The following SHC4 variants were observed in gnomAD, a reference collection of about 807,000 sequenced individuals.
SHC4 encodes SHC-transforming protein 4.
SHC4 carries 41 observed loss-of-function variants against 69.4 expected under a neutral mutation model. The observed-to-expected ratio is 0.59, with a 90% CI of 0.46 to 0.77. SHC4 has a LOEUF of 0.77. Among genes scored for constraint, SHC4 ranks in the 30% least tolerant of loss-of-function variants. SHC4 has a pLI of 0.00. For synonymous variants in SHC4, 318 were observed against 299.3 expected (o/e 1.06, Z -0.64); for missense variants, 777 against 783.8 (o/e 0.99, Z 0.10).
At chr15:48,927,676 A>G (rs1414880777) in intron 1 of SHC4, among the ~76,000 whole-genome samples, 2 of 151,974 alleles carry the variant, frequency 1.3e-5, no homozygotes, top group Non-Finnish European at 2.9e-5. Context: ...TTGCTGCCAC[A>G]TTGGCCTCCT....
intron 4 of SHC4, chr15:48,876,659 C>T (rs1382803248): frequency 7.6e-6 from 5 of 655,400 alleles, no homozygotes; most frequent in East Asian, 2.8e-5. Context: ...CAGGAAGCAT[C>T]CAACACAGGA....
intron 4 of SHC4, chr15:48,877,633 A>G (rs546139501): frequency 5.6e-5 from 49 of 878,702 alleles, no homozygotes; most frequent in East Asian, 4.8e-4. Flanking sequence ...TTTCTTCACT[A>G]TAACTAAAAA....
chr15:48,960,897 A>G (rs1595771474), intron 1 of SHC4, among the ~76,000 whole-genome samples: 2 of 152,246 alleles, frequency 1.3e-5, no homozygotes, highest in East Asian at 1.9e-4. Context: ...CACCCTTTAC[A>G]ACCCTCCATC....
chr15:48,849,781 C>A (rs1899172160), intron 9 of SHC4, among the ~76,000 whole-genome samples: 1 of 152,156 alleles, frequency 6.6e-6, no homozygotes, highest in African/African-American at 2.4e-5. Flanking sequence ...TTAAGAGATT[C>A]ATACTTGCCA....
chr15:48,862,195 G>GT (rs1331485481), intron 6 of SHC4, among the ~76,000 whole-genome samples: 74 of 147,892 alleles, frequency 5.0e-4, no homozygotes, highest in Admixed American at 3.4e-3. Flanking sequence ...CTGGTTTTGG[G>GT]GTTTTTTTTT....
At chr15:48,895,001 C>A (rs145086832) in intron 2 of SHC4, among the ~76,000 whole-genome samples, 1 of 151,974 alleles carries the variant, frequency 6.6e-6, no homozygotes, top group Non-Finnish European at 1.5e-5. Flanking sequence ...GACAGGGTCT[C>A]CCTATGTTGC....
chr15:48,878,461 C>T (rs1899870377), intron 4 of SHC4: 1 of 1,613,320 alleles, frequency 6.2e-7, no homozygotes, highest in Admixed American at 1.7e-5. Flanking sequence ...ACTTCGAGAG[C>T]GAGGACGAGG....
chr15:48,921,403 C>T (rs1223785636), intron 2 of SHC4, among the ~76,000 whole-genome samples: 2 of 150,436 alleles, frequency 1.3e-5, no homozygotes, highest in African/African-American at 4.9e-5. Context: ...GGTGCAATCT[C>T]GGCTCACTGC....
Position 48,826,117 on chromosome 15 carries a change from T to C in SHC4, c.1747A>G (p.Lys583Glu), listed in dbSNP as rs1427346580. 1.9e-6 allele frequency: 3 copies of C among 1,610,702 alleles called. No homozygotes were observed. The Admixed American group carries it at 5.1e-5, about 27-fold the overall frequency. ...LVDPEGKVRT[K>E]DHVFDNVGHL... ...CCGACATTATCAAATACATGATCCT[T>C]GGTCCTCACCTTGAAAAAGAAGTAC... The change falls in exon 12 of 12, where the codon AAG (lysine) becomes GAG (glutamate). Residue 583 changes from lysine to glutamate, a missense_variant. By Grantham distance (56) the Lys-to-Glu change is moderately conservative. Transcript: ENST00000332408.
Position 48,962,439 on chromosome 15 carries a change from A to C in SHC4, c.577T>G (p.Cys193Gly). 6.6e-7 allele frequency: 1 copy of C among 1,518,856 alleles called. No individual in the cohort carries two copies. The highest frequency in any genetic ancestry group is 8.8e-7 in the Non-Finnish European group (1 of 1,134,672). 94.1% of individuals were successfully genotyped at this position (1,518,856 alleles called of 1,614,324 possible). A position where few individuals can be genotyped will look rare whatever the true frequency, so the allele number is the denominator to read the frequency against. Residue 193 changes from cysteine (C) to glycine (G), a missense_variant, in exon 1 of 12, where the codon TGT becomes GGT. Physicochemically the swap from Cys to Gly is radical, Grantham distance 159. Transcript: ENST00000332408. ...QHLLGMGMNY[C>G]VRYMGCVEVL... ...GAGGAAAATGGACTTACCCTCACAC[A>C]GTAGTTCATGCCCATCCCCAACAGG...
At chr15:48,958,293 A>G (rs1457258804) in intron 1 of SHC4, among the ~76,000 whole-genome samples, 1 of 152,194 alleles carries the variant, frequency 6.6e-6, no homozygotes, top group African/African-American at 2.4e-5. Context: ...CCCATACTTC[A>G]GAGGCTGCCT....
chr15:48,826,684 A>T (rs776929672), intron 11 of SHC4, among the ~76,000 whole-genome samples: 2 of 152,158 alleles, frequency 1.3e-5, no homozygotes, highest in South Asian at 4.1e-4. Context: ...ATTCTATGTC[A>T]CTATCTCTAT....
At chr15:48,944,251 T>C (rs961782070) in intron 1 of SHC4, among the ~76,000 whole-genome samples, 2 of 151,944 alleles carry the variant, frequency 1.3e-5, no homozygotes, top group African/African-American at 4.8e-5. Flanking sequence ...AGACTCTGGG[T>C]GCCCTACCTA....
intron 1 of SHC4, chr15:48,947,711 G>A (rs772266069): frequency 1.3e-5 from 2 of 152,058 alleles, no homozygotes. Flanking sequence ...GATAGTTAAC[G>A]TCATCACACC....
intron 1 of SHC4, among the ~76,000 whole-genome samples, chr15:48,957,418 T>C (rs887006493): frequency 1.3e-5 from 2 of 152,208 alleles, no homozygotes; most frequent in Non-Finnish European, 2.9e-5. Flanking sequence ...GAAAAGCTAC[T>C]TGAGGTAGAT....
chr15:48,862,285 T>C (rs1899462272), intron 6 of SHC4, among the ~76,000 whole-genome samples: 1 of 152,004 alleles, frequency 6.6e-6, no homozygotes. Flanking sequence ...ATTCACAGAC[T>C]AGATTCAGGG....
In SHC4 at chr15:48,962,755, G is replaced by A; in HGVS notation, c.261C>T (p.Ile87=). Reference sequence around the variant, plus strand: ...CCAGCTTCATGCTTGCCATGCGGGGGATCAAGGTGCACAGTGGGGTGGGGC... The same window carrying A: ...CCAGCTTCATGCTTGCCATGCGGGGAATCAAGGTGCACAGTGGGGTGGGGC... ...QESPTPLCTL[I]PRMASMKLAN... The change falls in exon 1 of 12, where the codon ATC becomes ATT. Residue 87 remains isoleucine, a synonymous_variant. Coordinates refer to ENST00000332408, the MANE Select transcript of SHC4 (RefSeq NM_203349.4). 2 of 1,613,176 alleles carry A rather than the reference G, an allele frequency of 1.2e-6. No homozygotes were observed. The highest frequency in any genetic ancestry group is 1.7e-6 in the Non-Finnish European group (2 of 1,180,002).
At chr15:48,837,627 G>A (rs1898922778) in intron 10 of SHC4, among the ~76,000 whole-genome samples, 1 of 152,020 alleles carries the variant, frequency 6.6e-6, no homozygotes, top group Non-Finnish European at 1.5e-5. Flanking sequence ...AAGAAGTAGT[G>A]GAGGTTAAGG....
At chr15:48,936,361 A>G (rs754251941) in intron 1 of SHC4, among the ~76,000 whole-genome samples, 1 of 152,150 alleles carries the variant, frequency 6.6e-6, no homozygotes, top group Non-Finnish European at 1.5e-5. Flanking sequence ...CAAAAGGCAG[A>G]TCTCCTTTCT....
Sources: allele counts gnomAD v4.1 joint callset (sites outside exome capture counted in the v4.1 genomes callset), GRCh38; gene constraint gnomAD v4.1.1; transcripts MANE v1.5; gene names NCBI Gene and HGNC (gene_info 2026-07-23, HGNC 2026-07-21).